The following GABRR1 variants were observed in gnomAD, a reference collection of about 807,000 sequenced individuals.
GABRR1 encodes the protein gamma-aminobutyric acid receptor subunit rho-1.
In GABRR1, 59 loss-of-function variants were observed where a neutral mutation model predicts 55.5. The observed-to-expected ratio is 1.06, with a 90% confidence interval of 0.86 to 1.32. The LOEUF is 1.32. Among genes scored for constraint, GABRR1 ranks in the 40% most tolerant of loss-of-function variants. The pLI, the probability that GABRR1 is intolerant of heterozygous loss-of-function variation, is 0.00. For synonymous variants in GABRR1, 213 were observed against 226.0 expected, an observed-to-expected ratio of 0.94 and a Z score of 0.51; for missense variants, 602 against 619.1, an observed-to-expected ratio of 0.97 and a Z score of 0.29.
At chr6:89,195,178 G>A (rs1036079732) in intron 5 of GABRR1, among the ~76,000 whole-genome samples, 1 of 152,094 alleles carries the variant, frequency 6.6e-6, no homozygotes, top group African/African-American at 2.4e-5. Context: ...GCTCCAATTT[G>A]GGCCGGGCAT....
upstream of GABRR1, among the ~76,000 whole-genome samples, chr6:89,219,414 T>C (rs1392593928): frequency 2.0e-5 from 3 of 152,208 alleles, no homozygotes; most frequent in Non-Finnish European, 4.4e-5. Flanking sequence ...GCATCTATGA[T>C]GCACTGTAGA....
Position 89,203,350 on chromosome 6 carries a change from G to C in GABRR1, c.173+85C>G. On this transcript the variant is annotated intron_variant, in intron 2 of 9. Coordinates refer to ENST00000454853, the MANE Select transcript of GABRR1 (RefSeq NM_002042.5). ...CTTTCTGATCCTTGGTGAGGGGTCG[G>C]GGAGGGGCCCTGCTGAAAATCACTA... 10 of 1,213,426 alleles carry C rather than the reference G, an allele frequency of 8.2e-6. No individual in the cohort carries two copies. In the South Asian group the frequency reaches 1.1e-4, roughly 13 times the overall value. The allele number at this position is 1,213,426 out of a possible 1,614,324, so 75.2% of individuals were successfully genotyped here. A position where few individuals can be genotyped will look rare whatever the true frequency, so the allele number is the denominator to read the frequency against.
chr6:89,198,190 AGAC>A lies in GABRR1; in HGVS notation c.399_401del (p.Ser134del). ...TGCTGAGGTTGTTGGTGCTTGGAAA[AGAC>A]AGCCTCTCGTCCTTCCAGTAGTGCC... On this transcript the variant is annotated inframe_deletion, in exon 5 of 10. Transcript: ENST00000454853. 6.2e-7 allele frequency: 1 copy of A among 1,614,072 alleles called. No individual in the cohort carries two copies. The highest frequency in any genetic ancestry group is 8.5e-7 in the Non-Finnish European group (1 of 1,180,008).
chr6:89,199,495 G>C (rs927940785), intron 3 of GABRR1, 66 bp from the exon 4 acceptor site: 1 of 1,450,380 alleles, frequency 6.9e-7, no homozygotes, highest in South Asian at 1.2e-5. Context: ...GAGGAAATAG[G>C]CAAAAGGAGC....
chr6:89,188,874 C>T (rs1771996235), intron 6 of GABRR1, among the ~76,000 whole-genome samples: 1 of 151,996 alleles, frequency 6.6e-6, no homozygotes, highest in Admixed American at 6.6e-5. Context: ...TTCCTGAAAT[C>T]CCTTGTTGTG....
At chr6:89,216,391 A>G (rs182529958) in intron 1 of GABRR1, among the ~76,000 whole-genome samples, 1 of 152,360 alleles carries the variant, frequency 6.6e-6, no homozygotes, top group Admixed American at 6.5e-5. Flanking sequence ...AAGGACCAAG[A>G]ATCAACAACG....
intron 3 of GABRR1, 148 bp downstream of exon 3, chr6:89,201,011 T>C: frequency 1.5e-6 from 1 of 645,852 alleles, no homozygotes. Flanking sequence ...GCTCAAAATG[T>C]ACTGTGGGCT....
intron 5 of GABRR1, among the ~76,000 whole-genome samples, chr6:89,193,693 A>G (rs1238103548): frequency 6.6e-6 from 1 of 152,236 alleles, no homozygotes; most frequent in East Asian, 1.9e-4. Context: ...ACATTAAAAA[A>G]CATAAATAAT....
intron 5 of GABRR1, among the ~76,000 whole-genome samples, chr6:89,191,652 C>CTTTTTTTTTTTTTTTTTTTTTTTTTTTT (rs1772093117): frequency 6.6e-6 from 1 of 152,108 alleles, no homozygotes; most frequent in African/African-American, 2.4e-5. Context: ...CATGTTTATT[C>CTTTTTTTTTTTTTTTTTTTTTTTTTTTT]TTGTTTCCAC....
chr6:89,186,842 A>G (rs1033939144), intron 6 of GABRR1, among the ~76,000 whole-genome samples: 12 of 152,208 alleles, frequency 7.9e-5, no homozygotes, highest in Admixed American at 2.6e-4. Flanking sequence ...GGGTTTTATT[A>G]CACCCTTTCC....
At chr6:89,186,589 G>A (rs560348506) in intron 6 of GABRR1, among the ~76,000 whole-genome samples, 4 of 152,308 alleles carry the variant, frequency 2.6e-5, no homozygotes, top group South Asian at 2.1e-4. Flanking sequence ...TTTATCTGGC[G>A]GAGCCATGAC....
At chr6:89,193,693 A>C (rs1238103548) in intron 5 of GABRR1, among the ~76,000 whole-genome samples, 1 of 152,236 alleles carries the variant, frequency 6.6e-6, no homozygotes, top group Admixed American at 6.5e-5. Flanking sequence ...ACATTAAAAA[A>C]CATAAATAAT....
chr6:89,178,205 A>T lies in GABRR1; in HGVS notation c.*565T>A, dbSNP rs1030280979. 9.0e-5 allele frequency: 14 copies of T among 154,784 alleles called. No individual in the cohort carries two copies. Among genetic ancestry groups the T allele is most frequent in the African/African-American group, 2.9e-4 (12 of 41,474 alleles). The allele number at this position is 154,784 out of a possible 1,614,324, so 9.6% of individuals were successfully genotyped here. On this transcript the variant is annotated 3_prime_UTR_variant, in exon 10 of 10. Coordinates refer to ENST00000454853, the MANE Select transcript of GABRR1 (RefSeq NM_002042.5). Reference sequence around the variant, plus strand: ...AGGGGTAAAGCCTGTGAACCACAGCATATAAAGAAAAATAATGTGAATGTT... The same window carrying T: ...AGGGGTAAAGCCTGTGAACCACAGCTTATAAAGAAAAATAATGTGAATGTT...
chr6:89,206,861 TC>T (rs1202924904), intron 1 of GABRR1, among the ~76,000 whole-genome samples: 1 of 152,108 alleles, frequency 6.6e-6, no homozygotes, highest in African/African-American at 2.4e-5. Flanking sequence ...CAAGGGATCC[TC>T]CCGCTTCAAA....
chr6:89,229,507 C>A (rs1021153702), intron 1 of GABRR1, among the ~76,000 whole-genome samples: 30 of 149,250 alleles, frequency 2.0e-4, no homozygotes, highest in African/African-American at 7.1e-4. Flanking sequence ...TATTTTATTT[C>A]TCCTTCACTT....
At chr6:89,197,743 T>C (rs1175389717) in intron 5 of GABRR1, among the ~76,000 whole-genome samples, 1 of 152,234 alleles carries the variant, frequency 6.6e-6, no homozygotes, top group East Asian at 1.9e-4. Context: ...GAACACATTA[T>C]CTATTTCTCT....
rs549471218 is a variant in GABRR1 at position 89,180,345 on chromosome 6, C to T, written c.1093G>A (p.Val365Ile). Residue 365 changes from valine to isoleucine, a missense_variant, in exon 9 of 10, where the codon GTC becomes ATC. Physicochemically the swap from Val to Ile is conservative, Grantham distance 29. Around this residue, in one of 3 missense-constraint regions of GABRR1, gnomAD observed 28 missense variants for 53.9 expected, o/e 0.52. Transcript: ENST00000454853. ...TCCTGCACAGTGGTCAGGTAGTTGA[C>T]GGCCGCATACTCCAGCACCGAGAGG... Reference protein sequence around the residue: ...VFLSVLEYAAVNYLTTVQERK... With the variant: ...VFLSVLEYAAINYLTTVQERK... 4.8e-5 allele frequency: 78 copies of T among 1,613,778 alleles called. 1 individual carries two copies. The South Asian group carries it at 6.2e-4, about 13-fold the overall frequency.
chr6:89,192,038 TC>T (rs1772107628), intron 5 of GABRR1, among the ~76,000 whole-genome samples: 1 of 141,218 alleles, frequency 7.1e-6, no homozygotes, highest in African/African-American at 2.6e-5. Context: ...TGAGACTCCA[TC>T]GAAAAAAAAA....
chr6:89,209,566 G>A (rs578082481), intron 1 of GABRR1, among the ~76,000 whole-genome samples: 87 of 152,218 alleles, frequency 5.7e-4, no homozygotes, highest in Non-Finnish European at 1.1e-3. Context: ...TCTCTACCTC[G>A]CTTCACCTCC....
Sources: gnomAD v4.1 joint callset for allele counts (sites outside exome capture counted in the v4.1 genomes callset) on GRCh38, gnomAD v4.1.1 for gene constraint, gnomAD v4.1.1 regional missense constraint, MANE v1.5 for transcripts, NCBI Gene and HGNC (gene_info 2026-07-23, HGNC 2026-07-21) for gene names.